The following SCN9A variants were observed in gnomAD, a reference collection of about 807,000 sequenced individuals.
The protein encoded by SCN9A is sodium voltage-gated channel alpha subunit 9, also known as sodium channel protein type 9 subunit alpha.
In SCN9A, 131 loss-of-function variants were observed where a neutral mutation model predicts 187.0. The ratio of observed to expected loss-of-function variants is 0.70; its 90% CI spans 0.61 to 0.81. The LOEUF (loss-of-function observed/expected upper bound fraction) is 0.81, where lower values mean the gene tolerates loss of function less well. Ranked by LOEUF, SCN9A falls within the 30% of genes least tolerant of loss-of-function variation. The pLI is 0.00. For synonymous variants in SCN9A, 809 were observed against 808.6 expected, an observed-to-expected ratio of 1.00 and a Z score of -0.01; for missense variants, 2,252 against 2,396.6, an observed-to-expected ratio of 0.94 and a Z score of 1.26.
At chr2:166,248,531 C>T (rs1159250195) in intron 18 of SCN9A, among the ~76,000 whole-genome samples, 2 of 152,144 alleles carry the variant, frequency 1.3e-5, no homozygotes, top group African/African-American at 4.8e-5. Flanking sequence ...TCTGCCATTG[C>T]TATTCGCCCT....
intron 17 of SCN9A, among the ~76,000 whole-genome samples, chr2:166,268,901 A>C (rs1696857051): frequency 6.6e-6 from 1 of 151,950 alleles, no homozygotes; most frequent in Non-Finnish European, 1.5e-5. Context: ...GTTCTTAAGT[A>C]ATAATAATGA....
chr2:166,365,985 T>C (rs2105322535), intron 1 of SCN9A, among the ~76,000 whole-genome samples: 1 of 152,166 alleles, frequency 6.6e-6, no homozygotes, highest in Non-Finnish European at 1.5e-5. Context: ...CCAGGAAGAG[T>C]ATAAATGCTG....
At chr2:166,375,366 G>A (rs1413995986) in intron 1 of SCN9A, among the ~76,000 whole-genome samples, 1 of 152,142 alleles carries the variant, frequency 6.6e-6, no homozygotes, top group Non-Finnish European at 1.5e-5. Flanking sequence ...CTCTGCTAGC[G>A]TAAACAGAAA....
In SCN9A at chr2:166,203,707, A is replaced by G. The variant is rs1314932286; in HGVS notation, c.4774+248T>C. On this transcript the variant is annotated intron_variant, in intron 26 of 26. Transcript: ENST00000642356. ...TTGCAAAGGTAATATTGGAAACTAA[A>G]TATCAACAAGTATAATTTCCTTCTA... 2.0e-5 allele frequency among the ~76,000 whole-genome samples: 3 copies of G among 152,092 alleles called. No individual in the cohort carries two copies. The East Asian group carries it at 5.8e-4, about 29-fold the overall frequency.
At chr2:166,286,696 T>G in intron 10 of SCN9A, 73 bp from the exon 11 acceptor site, 1 of 1,231,010 alleles carries the variant, frequency 8.1e-7, no homozygotes, top group Non-Finnish European at 1.1e-6. Flanking sequence ...CAGGACATCT[T>G]TCACCTATTA....
chr2:166,352,229 T>C (rs780222163), intron 1 of SCN9A, among the ~76,000 whole-genome samples: 4 of 152,176 alleles, frequency 2.6e-5, no homozygotes, highest in South Asian at 2.1e-4. Flanking sequence ...GATAAATCTA[T>C]ACTACTCATG....
chr2:166,226,839 G>A (rs2106383722), intron 23 of SCN9A, 135 bp from the exon 24 acceptor site: 1 of 505,866 alleles, frequency 2.0e-6, no homozygotes, highest in Non-Finnish European at 3.3e-6. Context: ...GCATTGTTGA[G>A]GTTTAACATA....
intron 21 of SCN9A, 118 bp downstream of exon 21, chr2:166,233,222 T>G: frequency 1.5e-6 from 1 of 652,400 alleles, no homozygotes. Flanking sequence ...CACACATACA[T>G]AAACAGCCTA....
intron 19 of SCN9A, among the ~76,000 whole-genome samples, chr2:166,241,833 A>C (rs2106409354): frequency 6.6e-6 from 1 of 152,200 alleles, no homozygotes; most frequent in East Asian, 1.9e-4. Context: ...TTATCTTTGC[A>C]TTGTGAAAGT....
chr2:166,350,737 A>C (rs955756379), intron 1 of SCN9A, among the ~76,000 whole-genome samples: 1 of 152,130 alleles, frequency 6.6e-6, no homozygotes, highest in Non-Finnish European at 1.5e-5. Flanking sequence ...CATCTTGCCC[A>C]CTGGTGATCA....
In SCN9A at chr2:166,286,562, G is replaced by C. The variant is rs121908908; in HGVS notation, c.1376C>G (p.Ser459Ter). The C allele has an allele frequency of 1.9e-6, 3 of 1,603,834 alleles. No individual in the cohort carries two copies. In the South Asian group the frequency reaches 3.4e-5, roughly 18 times the overall value. ...SIRRSRIMGL[S>*]ESSSETSKLS... is the part of the protein sequence containing the mutation. Reference sequence around the variant, plus strand: ...TTTGGATGTTTCAGAAGAACTCTCTGAGAGGCCCATAATTCTGCTTCTCCT... The same window carrying C: ...TTTGGATGTTTCAGAAGAACTCTCTCAGAGGCCCATAATTCTGCTTCTCCT... The change falls in exon 11 of 27, where the codon TCA becomes TGA. Residue 459 changes from serine (S) to a stop codon, truncating the protein, a stop_gained. Transcript: ENST00000642356. LOFTEE classifies it high-confidence loss of function.
intron 17 of SCN9A, among the ~76,000 whole-genome samples, chr2:166,270,017 C>G (rs533809189): frequency 6.6e-6 from 1 of 152,118 alleles, no homozygotes; most frequent in African/African-American, 2.4e-5. Flanking sequence ...GATGCCTGCT[C>G]CTTAAAAGGC....
At position 166,259,808 on chromosome 2, in the gene SCN9A, A is replaced by G. The variant is rs1366133658; in HGVS notation, c.3352-7923T>C. On this transcript the variant is annotated intron_variant, in intron 17 of 26. Transcript: ENST00000642356. ...TAAGACACATTGATTTGAATATGTC[A>G]GACAAATATTTCATTGTTTTTAGGC... 2.0e-5 allele frequency among the ~76,000 whole-genome samples: 3 copies of G among 151,848 alleles called. No homozygotes were observed. In the East Asian group the frequency reaches 5.8e-4, roughly 29 times the overall value.
chr2:166,329,294 G>A (rs1699439648), intron 1 of SCN9A, among the ~76,000 whole-genome samples: 1 of 151,996 alleles, frequency 6.6e-6, no homozygotes, highest in Admixed American at 6.6e-5. Flanking sequence ...ACAAAATGAA[G>A]GTAGTCTTGA....
At chr2:166,306,631 C>T in intron 3 of SCN9A, 32 bp from the exon 4 acceptor site, 1 of 1,405,186 alleles carries the variant, frequency 7.1e-7, no homozygotes, top group Non-Finnish European at 9.9e-7. Flanking sequence ...AAAGAGACGA[C>T]AGTGGGAATT....
intron 8 of SCN9A, 89 bp downstream of exon 8, chr2:166,294,510 T>C: frequency 1.2e-6 from 1 of 864,150 alleles, no homozygotes. Flanking sequence ...AAAAGCAATA[T>C]AGAATCAAAG....
chr2:166,315,294 A>G (rs35473199), intron 1 of SCN9A, among the ~76,000 whole-genome samples: 97,021 of 152,040 alleles, frequency 0.64, 31,627 homozygotes, highest in African/African-American at 0.75. Flanking sequence ...ATTATTTGAC[A>G]GAAATCTAGG....
chr2:166,256,596 CAACTAA>C (rs1439807569), intron 17 of SCN9A, among the ~76,000 whole-genome samples: 1 of 151,314 alleles, frequency 6.6e-6, no homozygotes, highest in African/African-American at 2.4e-5. Context: ...TAATTATGGG[CAACTAA>C]AACTTTAGCT....
At chr2:166,331,876 C>T (rs1699512263) in intron 1 of SCN9A, among the ~76,000 whole-genome samples, 1 of 152,072 alleles carries the variant, frequency 6.6e-6, no homozygotes, top group African/African-American at 2.4e-5. Context: ...CAAAGAATGT[C>T]ATATGATATG....
Sources: gnomAD v4.1 joint callset for allele counts (sites outside exome capture counted in the v4.1 genomes callset) on GRCh38, gnomAD v4.1.1 for gene constraint, MANE v1.5 for transcripts, NCBI Gene and HGNC (gene_info 2026-07-23, HGNC 2026-07-21) for gene names.